Variants in NPTX1 observed in about 807,000 individuals in gnomAD.
NPTX1 encodes the protein neuronal pentraxin 1, also known as neuronal pentraxin-1.
NPTX1 carries 12 observed loss-of-function variants against 38.7 expected under a neutral mutation model. That is an observed-to-expected ratio of 0.31 (90% CI 0.20 to 0.50). The LOEUF is 0.50. NPTX1 is among the 20% of genes least tolerant of loss of function. The probability of loss-of-function intolerance (pLI) is 0.98; values close to 1 mark genes in which losing one functional copy is unlikely to be tolerated. For synonymous variants in NPTX1, 272 were observed against 264.9 expected (o/e 1.03, Z -0.26); for missense variants, 454 against 592.2 (o/e 0.77, Z 2.42).
intron 2 of NPTX1, 173 bp from the exon 3 acceptor site, chr17:80,473,617 G>T: frequency 3.1e-6 from 2 of 647,512 alleles, no homozygotes; most frequent in Non-Finnish European, 5.4e-6. Flanking sequence ...CCAAGGCACA[G>T]GGCCAGTCTG....
rs1555705262 is a variant in NPTX1, at chr17:80,474,808, C to CCA, written c.652+702_652+703insTG. Reference sequence around the variant, plus strand: ...CTTGCTCCGCACCGGGCACCCCCCCCCCTCCCCTTTTACAACCTTGTTTGA... The same window carrying CCA: ...CTTGCTCCGCACCGGGCACCCCCCCCCACCTCCCCTTTTACAACCTTGTTTGA... On this transcript the variant is annotated intron_variant, in intron 2 of 4. Transcript: ENST00000306773. 2.8e-5 allele frequency: 4 copies of CCA among 145,318 alleles called. No homozygotes were observed. The East Asian group carries it at 9.0e-4, about 33-fold the overall frequency. 9.0% of individuals were successfully genotyped at this position (145,318 alleles called of 1,614,324 possible). A position where few individuals can be genotyped will look rare whatever the true frequency, so the allele number is the denominator to read the frequency against.
Position 80,475,239 on chromosome 17 carries a change from TGTGA to T in NPTX1, c.652+268_652+271del, listed in dbSNP as rs1294057023. Among the ~76,000 whole-genome samples, 1 of 151,968 alleles carries T rather than the reference TGTGA, an allele frequency of 6.6e-6. No individual in the cohort carries two copies. The highest frequency in any genetic ancestry group is 2.4e-5 in the African/African-American group (1 of 41,368). The stretch of plus-strand genomic sequence containing the variant: ...TCAGACTTGAAAAATCCAGCGAGTG[TGTGA>T]GTGTGTCTGGATGGGGGAGGGGGCA... On this transcript the variant is annotated intron_variant, in intron 2 of 4. Coordinates refer to ENST00000306773, the MANE Select transcript of NPTX1 (RefSeq NM_002522.4). The surrounding 1 kb of genome is among the most constrained non-coding windows in gnomAD (Gnocchi z 6.5).
At chr17:80,471,628 G>A in intron 4 of NPTX1, 104 bp downstream of exon 4, 3 of 1,485,618 alleles carry the variant, frequency 2.0e-6, no homozygotes, top group East Asian at 2.4e-5. Flanking sequence ...GCTTCTCAGG[G>A]GAACCACTTC....
chr17:80,474,876 G>A (rs2143049543), intron 2 of NPTX1, among the ~76,000 whole-genome samples: 1 of 142,250 alleles, frequency 7.0e-6, no homozygotes, highest in South Asian at 2.4e-4. Flanking sequence ...TCATCCAGGC[G>A]CCCTGGGTGA....
Position 80,467,421 on chromosome 17 carries a change from C to G in NPTX1, c.*3392G>C, listed in dbSNP as rs747017597. 7.9e-5 allele frequency: 12 copies of G among 152,686 alleles called. No homozygotes were observed. The highest frequency in any genetic ancestry group is 1.8e-4 in the Non-Finnish European group (12 of 68,016). 9.5% of individuals were successfully genotyped at this position (152,686 alleles called of 1,614,324 possible). ...TTCTATCAAGGTTAGAACTGATATTCAAATCCTCGGCTCATTCCACTTAGT... is the reference window on the plus strand; with the variant it reads ...TTCTATCAAGGTTAGAACTGATATTGAAATCCTCGGCTCATTCCACTTAGT... On this transcript the variant is annotated 3_prime_UTR_variant, in exon 5 of 5. Transcript: ENST00000306773.
Position 80,475,742 on chromosome 17 carries a change from A to T in NPTX1, c.445-24T>A. 6.4e-7 allele frequency: 1 copy of T among 1,566,014 alleles called. No homozygotes were observed. The highest frequency in any genetic ancestry group is 8.7e-7 in the Non-Finnish European group (1 of 1,143,886). Reference sequence around the variant, plus strand: ...TGCTGCGGGGTGCAAGGGCGGGGGAAACCACACCGTTAGGCGAGGCGCGGG... The same window carrying T: ...TGCTGCGGGGTGCAAGGGCGGGGGATACCACACCGTTAGGCGAGGCGCGGG... On this transcript the variant is annotated intron_variant, in intron 1 of 4. Coordinates refer to ENST00000306773, the MANE Select transcript of NPTX1 (RefSeq NM_002522.4). The surrounding 1 kb of genome is among the most constrained non-coding windows in gnomAD (Gnocchi z 6.5).
intron 3 of NPTX1, among the ~76,000 whole-genome samples, chr17:80,472,607 C>T (rs1363040765): frequency 6.6e-6 from 1 of 152,186 alleles, no homozygotes; most frequent in African/African-American, 2.4e-5. Context: ...ACTTCCCAGC[C>T]CAGGTTTTAG....
chr17:80,467,720 A>G lies in NPTX1; in HGVS notation c.*3093T>C, dbSNP rs1444045882. 1.3e-5 allele frequency: 2 copies of G among 152,454 alleles called. No individual in the cohort carries two copies. Among genetic ancestry groups the G allele is most frequent in the African/African-American group, 4.8e-5 (2 of 41,458 alleles). 9.4% of individuals were successfully genotyped at this position (152,454 alleles called of 1,614,324 possible). On this transcript the variant is annotated 3_prime_UTR_variant, in exon 5 of 5. Coordinates refer to ENST00000306773, the MANE Select transcript of NPTX1 (RefSeq NM_002522.4). ...AAAATGTATCTCTTTCTTCCAAAAT[A>G]CATGCTTTCAGTTCTACGTTTTGGT...
intron 2 of NPTX1, chr17:80,473,708 G>A (rs2083856191): frequency 4.0e-6 from 2 of 502,596 alleles, no homozygotes; most frequent in Admixed American, 3.4e-5. Flanking sequence ...GGGAGATGGG[G>A]GTGGGGGGCA....
chr17:80,471,168 G>C, intron 4 of NPTX1, 134 bp from the exon 5 acceptor site: 1 of 666,294 alleles, frequency 1.5e-6, no homozygotes, highest in Non-Finnish European at 2.5e-6. Flanking sequence ...GTGCCGTTTC[G>C]TCTCCCTGTC....
Position 80,473,436 on chromosome 17 carries a change from C to A in NPTX1, c.661G>T (p.Asp221Tyr), listed in dbSNP as rs1419329694. 6.2e-7 allele frequency: 1 copy of A among 1,613,920 alleles called. No homozygotes were observed. Among genetic ancestry groups the A allele is most frequent in the South Asian group, 1.1e-5 (1 of 91,074 alleles). Residue 221 changes from aspartate to tyrosine, a missense_variant, in exon 3 of 5, where the codon GAC becomes TAC. Asp to Tyr is a radical substitution (Grantham distance 160). Around this residue, in one of 4 missense-constraint regions of NPTX1, gnomAD observed 288 missense variants for 318.4 expected, o/e 0.90. Coordinates refer to ENST00000306773, the MANE Select transcript of NPTX1 (RefSeq NM_002522.4). ...RISELEKGQK[D>Y]NRPGDKFQLT... ...TGGAACTTGTCTCCAGGGCGGTTGTCTTTCTGACCTGCGGAAGACACAGTC... is the reference window on the plus strand; with the variant it reads ...TGGAACTTGTCTCCAGGGCGGTTGTATTTCTGACCTGCGGAAGACACAGTC...
In NPTX1 at chr17:80,470,942, C is replaced by A. The variant is rs2083838542; in HGVS notation, c.1170G>T (p.Glu390Asp). The A allele has an allele frequency of 1.2e-6, 2 of 1,613,738 alleles. No individual in the cohort carries two copies. Among genetic ancestry groups the A allele is most frequent in the African/African-American group, 2.7e-5 (2 of 74,904 alleles). ...NIWDRKLTPG[E>D]VYNLATCSTK... ...TGCTGCAGGTGGCCAGGTTGTACAC[C>A]TCCCCGGGGGTCAGCTTGCGGTCCC... The change falls in exon 5 of 5, where the codon GAG becomes GAT. Residue 390 changes from glutamate (E) to aspartate (D), a missense_variant. Transcript: ENST00000306773.
intron 2 of NPTX1, chr17:80,474,366 A>C (rs2143047824): frequency 6.6e-6 from 1 of 152,446 alleles, no homozygotes; most frequent in Admixed American, 6.5e-5. Context: ...TAGCAGGCCC[A>C]GAGCCCAGGA....
At position 80,470,126 on chromosome 17, in the gene NPTX1, C is replaced by G. The variant is rs2083830926; in HGVS notation, c.*687G>C. 6.6e-6 allele frequency: 1 copy of G among 152,242 alleles called. No homozygotes were observed. The highest frequency in any genetic ancestry group is 2.4e-5 in the African/African-American group (1 of 41,460). The allele number at this position is 152,242 out of a possible 1,614,324, so 9.4% of individuals were successfully genotyped here. A position where few individuals can be genotyped will look rare whatever the true frequency, so the allele number is the denominator to read the frequency against. On this transcript the variant is annotated 3_prime_UTR_variant, in exon 5 of 5. Coordinates refer to ENST00000306773, the MANE Select transcript of NPTX1 (RefSeq NM_002522.4). The stretch of plus-strand genomic sequence containing the variant: ...GGTAAGGGCCAGTGTCCTCAGCCAT[C>G]CCCTCTCCTCCACGGGAGAGCACAG...
At chr17:80,472,148 T>C (rs921738551) in intron 3 of NPTX1, among the ~76,000 whole-genome samples, 7 of 152,206 alleles carry the variant, frequency 4.6e-5, no homozygotes, top group African/African-American at 7.2e-5. Context: ...CCAAGGGCCA[T>C]GTGGGTGTGC....
rs1337538452 is a variant in NPTX1, at chr17:80,470,601, T to G, written c.*212A>C. On this transcript the variant is annotated 3_prime_UTR_variant, in exon 5 of 5. Coordinates refer to ENST00000306773, the MANE Select transcript of NPTX1 (RefSeq NM_002522.4). ...GGGGCATGCCTGAGAGAGTCCGGGCTCCTACAGAGAAGTGGGGCTTCCTCA... is the reference window on the plus strand; with the variant it reads ...GGGGCATGCCTGAGAGAGTCCGGGCGCCTACAGAGAAGTGGGGCTTCCTCA... 1.9e-6 allele frequency: 1 copy of G among 515,076 alleles called. No homozygotes were observed. The highest frequency in any genetic ancestry group is 3.5e-5 in the Admixed American group (1 of 28,820). The allele number at this position is 515,076 out of a possible 1,614,324, so 31.9% of individuals were successfully genotyped here.
Position 80,475,368 on chromosome 17 carries a change from A to C in NPTX1, c.652+143T>G. ...CAGAACCTGGGAAGGGGTGCGGGGAATGAGAAAGCGGTGCAGGGGTTGGGG... is the reference window on the plus strand; with the variant it reads ...CAGAACCTGGGAAGGGGTGCGGGGACTGAGAAAGCGGTGCAGGGGTTGGGG... On this transcript the variant is annotated intron_variant, in intron 2 of 4. Coordinates refer to ENST00000306773, the MANE Select transcript of NPTX1 (RefSeq NM_002522.4). The surrounding 1 kb of genome is among the most constrained non-coding windows in gnomAD (Gnocchi z 6.5). 10 of 622,962 alleles carry C rather than the reference A, an allele frequency of 1.6e-5. No homozygotes were observed. The highest frequency in any genetic ancestry group is 2.5e-5 in the Non-Finnish European group (9 of 364,096). The allele number at this position is 622,962 out of a possible 1,614,324, so 38.6% of individuals were successfully genotyped here.
Position 80,471,696 on chromosome 17 carries a change from G to A in NPTX1, c.1077+36C>T, listed in dbSNP as rs749434729. 3.2e-6 allele frequency: 5 copies of A among 1,582,206 alleles called. No individual in the cohort carries two copies. In the South Asian group the frequency reaches 4.5e-5, roughly 14 times the overall value. ...CCCCTTCCCAGCCTCTGGTTCTGAA[G>A]CTCTCTCCCCTTCCCCACCACATCC... is the stretch of plus-strand genomic sequence containing the variant. On this transcript the variant is annotated intron_variant, in intron 4 of 4. Transcript: ENST00000306773.
rs912253242 is a variant in NPTX1 at position 80,475,468 on chromosome 17, A to C, written c.652+43T>G. 2.1e-6 allele frequency: 3 copies of C among 1,400,742 alleles called. No homozygotes were observed. The Admixed American group carries it at 6.1e-5, about 28-fold the overall frequency. 86.8% of individuals were successfully genotyped at this position (1,400,742 alleles called of 1,614,324 possible). ...ATCGGGACCGAGGCAGGGTCGGGCA[A>C]GCAGGTGCAGGCAGGCAGCACGGCT... On this transcript the variant is annotated intron_variant, in intron 2 of 4. Transcript: ENST00000306773. This position sits in a 1 kb window ranked among gnomAD's most constrained non-coding sequence, Gnocchi z 6.5.
Sources: allele counts gnomAD v4.1 joint callset (sites outside exome capture counted in the v4.1 genomes callset), GRCh38; gene constraint gnomAD v4.1.1; regional missense constraint gnomAD v4.1.1; non-coding constraint Gnocchi (gnomAD v3.1); transcripts MANE v1.5; gene names NCBI Gene and HGNC (gene_info 2026-07-23, HGNC 2026-07-21).